COL4A5: variants seen among roughly 807,000 people sequenced by gnomAD.
COL4A5 encodes collagen alpha-5(IV) chain.
A neutral mutation model predicts 130.2 loss-of-function variants in COL4A5; 26 were observed. That is an observed-to-expected ratio of 0.20 (90% confidence interval 0.15 to 0.28). The LOEUF (loss-of-function observed/expected upper bound fraction) is 0.28. Among genes scored for constraint, COL4A5 ranks in the 10% least tolerant of loss-of-function variants. The pLI is 1.00. For missense variants in COL4A5, 1,131 were observed against 1,344.3 expected (o/e 0.84, Z 2.48); for synonymous variants, 496 against 439.6 (o/e 1.13, Z -1.60).
chrX:108,695,312 C>T lies in COL4A5; in HGVS notation c.4867C>T (p.Pro1623Ser), dbSNP rs776148896. The T allele has an allele frequency of 1.7e-6, 2 of 1,211,358 alleles. No individual in the cohort carries two copies. The highest frequency in any genetic ancestry group is 3.5e-5 in the South Asian group (2 of 56,954). ...AGGCTCAGGTCAAGCCCTAGCCTCC[C>T]CTGGTTCCTGCTTGGAAGAGTTTCG... ...AEGSGQALAS[P>S]GSCLEEFRSA... The change falls in exon 52 of 53, where the codon CCT (proline) becomes TCT (serine). Residue 1623 changes from proline to serine, a missense_variant. Coordinates refer to ENST00000328300, the MANE Select transcript of COL4A5 (RefSeq NM_033380.3).
intron 38 of COL4A5, 72 bp from the exon 39 acceptor site, chrX:108,666,424 G>T (rs2068079611): frequency 5.4e-6 from 4 of 739,628 alleles, no homozygotes; most frequent in Non-Finnish European, 6.2e-6. Context: ...GGATAAAGAA[G>T]GGAGCATATG....
chrX:108,570,253 G>T (rs1365495477), intron 6 of COL4A5, among the ~76,000 whole-genome samples: 4 of 111,851 alleles, frequency 3.6e-5, no homozygotes, highest in African/African-American at 1.3e-4. Context: ...GACCAATGTG[G>T]AGTTGGTTTG....
At chrX:108,627,299 C>T (rs779318396) in intron 36 of COL4A5, 146 of 663,305 alleles carry the variant, frequency 2.2e-4, no homozygotes, top group Non-Finnish European at 2.4e-4. Flanking sequence ...CTTCATGCCC[C>T]ATCCTCTTTT....
chrX:108,481,345 TA>T (rs1374225645), intron 1 of COL4A5, among the ~76,000 whole-genome samples: 1 of 111,244 alleles, frequency 9.0e-6, no homozygotes, highest in Non-Finnish European at 1.9e-5. Flanking sequence ...AAATTGTTGG[TA>T]ATGTAGTGGG....
chrX:108,483,302 T>C (rs2064911517), intron 1 of COL4A5, among the ~76,000 whole-genome samples: 2 of 110,478 alleles, frequency 1.8e-5, no homozygotes, highest in African/African-American at 6.6e-5. Context: ...GGTCCCACAA[T>C]ATGCTGTCTG....
At chrX:108,609,582 T>C (rs1258630099) in intron 29 of COL4A5, among the ~76,000 whole-genome samples, 1 of 111,926 alleles carries the variant, frequency 8.9e-6, no homozygotes, top group Non-Finnish European at 1.9e-5. Context: ...GTTTTAATTT[T>C]ATTGAAGTTT....
At chrX:108,548,095 C>T (rs776613821) in intron 2 of COL4A5, among the ~76,000 whole-genome samples, 16 of 111,395 alleles carry the variant, frequency 1.4e-4, no homozygotes, top group East Asian at 8.6e-4. Context: ...GGCTCACGCT[C>T]GGTGCGCTGC....
Position 108,573,648 on chromosome X carries a change from A to G in COL4A5, c.540A>G (p.Gly180=). 1.7e-6 allele frequency: 2 copies of G among 1,182,568 alleles called. No individual in the cohort carries two copies. The highest frequency in any genetic ancestry group is 3.6e-5 in the South Asian group (2 of 56,322). ...KGNPGYPGPP[G]IQGLPGPTGI... Reference sequence around the variant, plus strand: ...ATCCAGGATATCCAGGTCCTCCTGGAATACAAGTAAGTATCCAGTGATTTT... The same window carrying G: ...ATCCAGGATATCCAGGTCCTCCTGGGATACAAGTAAGTATCCAGTGATTTT... The change falls in exon 9 of 53, where the codon GGA becomes GGG. Residue 180 remains glycine (G), a synonymous_variant. Coordinates refer to ENST00000328300, the MANE Select transcript of COL4A5 (RefSeq NM_033380.3).
chrX:108,631,057 G>A (rs770771043), intron 36 of COL4A5, among the ~76,000 whole-genome samples: 239 of 111,840 alleles, frequency 2.1e-3, no homozygotes, highest in South Asian at 0.019. Context: ...GGTTACTGTA[G>A]CCTTGTAGTA....
At chrX:108,480,571 G>A (rs62603580) in intron 1 of COL4A5, among the ~76,000 whole-genome samples, 35,288 of 112,245 alleles carry the variant, frequency 0.31, 5,256 homozygotes, top group Non-Finnish European at 0.45. Context: ...AAGCTATATT[G>A]CTGGCTTTGC....
At chrX:108,471,254 G>A (rs73541638) in intron 1 of COL4A5, among the ~76,000 whole-genome samples, 10,730 of 111,503 alleles carry the variant, frequency 0.096, 1,152 homozygotes, top group African/African-American at 0.32. Flanking sequence ...CCATTTTAAC[G>A]ATATTGATTC....
At chrX:108,589,067 T>C (rs763718807) in intron 19 of COL4A5, among the ~76,000 whole-genome samples, 1 of 111,695 alleles carries the variant, frequency 9.0e-6, no homozygotes, top group East Asian at 2.8e-4. Flanking sequence ...TAAGTCTAAA[T>C]CAGTACTGGT....
chrX:108,506,227 T>C (rs890687109), intron 1 of COL4A5, among the ~76,000 whole-genome samples: 1 of 111,610 alleles, frequency 9.0e-6, no homozygotes, highest in Non-Finnish European at 1.9e-5. Context: ...TCTACATATG[T>C]CACTTGTTTC....
At chrX:108,548,604 T>C (rs1168216603) in intron 2 of COL4A5, among the ~76,000 whole-genome samples, 1 of 111,147 alleles carries the variant, frequency 9.0e-6, no homozygotes, top group African/African-American at 3.3e-5. Context: ...TGGTGAAAAG[T>C]ATAAATTTAC....
At chrX:108,686,473 G>A (rs369965663) in intron 48 of COL4A5, among the ~76,000 whole-genome samples, 71 of 111,852 alleles carry the variant, frequency 6.3e-4, no homozygotes, top group African/African-American at 2.1e-3. Flanking sequence ...TGAAAATATC[G>A]CAGTAGGCTG....
intron 1 of COL4A5, among the ~76,000 whole-genome samples, chrX:108,469,317 T>G (rs1340285950): frequency 2.7e-5 from 3 of 109,229 alleles, no homozygotes; most frequent in Non-Finnish European, 5.7e-5. Context: ...TTTTTAATTT[T>G]TATTTTTTGC....
At chrX:108,554,537 G>A (rs778120312) in intron 2 of COL4A5, among the ~76,000 whole-genome samples, 33 of 111,475 alleles carry the variant, frequency 3.0e-4, no homozygotes, top group African/African-American at 1.0e-3. Context: ...AGGACCCAGA[G>A]CCAAATCCGT....
At chrX:108,677,737 G>A in intron 44 of COL4A5, 104 bp downstream of exon 44, 1 of 987,851 alleles carries the variant, frequency 1.0e-6, no homozygotes. Context: ...ACTAGACAAG[G>A]TTCTATGTGT....
intron 43 of COL4A5, 62 bp downstream of exon 43, chrX:108,674,815 A>AAG: frequency 5.5e-6 from 6 of 1,086,607 alleles, no homozygotes; most frequent in Non-Finnish European, 7.4e-6. Flanking sequence ...TGTGTGTGAT[A>AAG]AGAGAAATGC....
Sources: allele counts gnomAD v4.1 joint callset (sites outside exome capture counted in the v4.1 genomes callset), GRCh38; gene constraint gnomAD v4.1.1; transcripts MANE v1.5; gene names NCBI Gene and HGNC (gene_info 2026-07-23, HGNC 2026-07-21).